The following ADORA2B variants were observed in gnomAD, a reference collection of about 807,000 sequenced individuals.
ADORA2B encodes the protein adenosine A2b receptor.
A neutral mutation model predicts 20.8 loss-of-function variants in ADORA2B; 18 were observed. The ratio of observed to expected loss-of-function variants is 0.87; its 90% CI spans 0.60 to 1.29. The LOEUF is 1.29. Among genes scored for constraint, ADORA2B ranks in the 50% most tolerant of loss-of-function variants. The probability of loss-of-function intolerance (pLI) is 0.00; values close to 1 mark genes in which losing one functional copy is unlikely to be tolerated. For synonymous variants in ADORA2B, 179 were observed against 178.3 expected (o/e 1.00, Z -0.03); for missense variants, 441 against 422.7 (o/e 1.04, Z -0.38).
intron 1 of ADORA2B, chr17:15,974,423 C>T: frequency 2.3e-6 from 1 of 435,926 alleles, no homozygotes; most frequent in African/African-American, 2.0e-5. Context: ...TTCCCCACCT[C>T]TTGTCATTGG....
intron 1 of ADORA2B, among the ~76,000 whole-genome samples, chr17:15,955,800 C>A (rs1295807030): frequency 1.3e-5 from 2 of 151,120 alleles, no homozygotes; most frequent in African/African-American, 4.9e-5. Flanking sequence ...CTCACTGCAA[C>A]TTTCACCTCC....
At chr17:15,872,889 C>G in the ADORA2B span, among the ~76,000 whole-genome samples, 1 of 152,098 alleles carries the variant, frequency 6.6e-6, no homozygotes, top group African/African-American at 2.4e-5. Context: ...TCCGGATACC[C>G]TTTATTTATT....
chr17:15,868,122 T>C, the ADORA2B span, among the ~76,000 whole-genome samples: 1 of 144,200 alleles, frequency 6.9e-6, no homozygotes, highest in South Asian at 2.2e-4. Context: ...CAGGGTTGAA[T>C]GGATTAAGGG....
intron 1 of ADORA2B, among the ~76,000 whole-genome samples, chr17:15,963,989 C>T (rs552818036): frequency 3.6e-4 from 55 of 152,312 alleles, no homozygotes; most frequent in African/African-American, 1.1e-3. Flanking sequence ...CAGAGCAGCC[C>T]GGGGCCAGGG....
chr17:15,906,150 A>G, the ADORA2B span, among the ~76,000 whole-genome samples: 1 of 152,228 alleles, frequency 6.6e-6, no homozygotes, highest in Non-Finnish European at 1.5e-5. Flanking sequence ...ACAATGTTAA[A>G]TAGGACAGAT....
At chr17:15,969,725 G>A (rs974466369) in intron 1 of ADORA2B, among the ~76,000 whole-genome samples, 1 of 152,152 alleles carries the variant, frequency 6.6e-6, no homozygotes, top group South Asian at 2.1e-4. Context: ...TGTCACCCTG[G>A]CCCAAGCCGA....
chr17:15,881,377 A>G, the ADORA2B span, among the ~76,000 whole-genome samples: 2 of 152,226 alleles, frequency 1.3e-5, no homozygotes, highest in Non-Finnish European at 2.9e-5. Context: ...CTGGGATTAC[A>G]GATATGAGCC....
chr17:15,940,825 A>G (rs1427402977), upstream of ADORA2B, among the ~76,000 whole-genome samples: 2 of 152,202 alleles, frequency 1.3e-5, no homozygotes, highest in Admixed American at 1.3e-4. Flanking sequence ...TCACCTCATG[A>G]TAAACGGTAG....
the ADORA2B span, among the ~76,000 whole-genome samples, chr17:15,915,756 CTACCTTT>C: frequency 6.6e-6 from 1 of 152,044 alleles, no homozygotes; most frequent in Non-Finnish European, 1.5e-5. Context: ...AAATATTCCT[CTACCTTT>C]TGGTTATATT....
chr17:15,949,123 G>A (rs1165738139), intron 1 of ADORA2B, among the ~76,000 whole-genome samples: 4 of 151,688 alleles, frequency 2.6e-5, no homozygotes, highest in Non-Finnish European at 2.9e-5. Flanking sequence ...CAGGAGAATC[G>A]CTTGAACCCG....
At chr17:15,916,252 T>A in the ADORA2B span, among the ~76,000 whole-genome samples, 1 of 152,150 alleles carries the variant, frequency 6.6e-6, no homozygotes, top group African/African-American at 2.4e-5. Flanking sequence ...AAGTCAACCT[T>A]CCTGGGGACT....
the ADORA2B span, among the ~76,000 whole-genome samples, chr17:15,882,778 A>T: frequency 6.6e-6 from 1 of 152,016 alleles, no homozygotes; most frequent in African/African-American, 2.4e-5. Context: ...CTCCTTCTGG[A>T]GACTGAGGGT....
At chr17:15,971,246 T>C (rs917325245) in intron 1 of ADORA2B, among the ~76,000 whole-genome samples, 7 of 152,246 alleles carry the variant, frequency 4.6e-5, no homozygotes, top group African/African-American at 1.7e-4. Context: ...TTCCTTGTTA[T>C]GCTGCAGGGA....
the ADORA2B span, among the ~76,000 whole-genome samples, chr17:15,853,479 G>A: frequency 2.6e-5 from 4 of 152,206 alleles, no homozygotes; most frequent in Non-Finnish European, 5.9e-5. Flanking sequence ...TTAAAGGGGT[G>A]TATCACTAAA....
chr17:15,917,683 C>T, the ADORA2B span, among the ~76,000 whole-genome samples: 5 of 152,360 alleles, frequency 3.3e-5, no homozygotes, highest in South Asian at 6.2e-4. Context: ...CGGCTCCGCG[C>T]CGGTGACGGG....
the ADORA2B span, among the ~76,000 whole-genome samples, chr17:15,923,474 G>A: frequency 6.6e-6 from 1 of 150,698 alleles, no homozygotes; most frequent in African/African-American, 2.4e-5. Context: ...GCGCGATCTC[G>A]GCTCACTGCA....
chr17:15,891,913 T>A, the ADORA2B span, among the ~76,000 whole-genome samples: 5 of 150,102 alleles, frequency 3.3e-5, no homozygotes, highest in Non-Finnish European at 7.4e-5. Context: ...AGTGGTATGA[T>A]CTTGGCTCAC....
At chr17:15,874,572 G>A in the ADORA2B span, among the ~76,000 whole-genome samples, 1 of 151,702 alleles carries the variant, frequency 6.6e-6, no homozygotes, top group East Asian at 1.9e-4. Context: ...TGAACCTGTA[G>A]TACCAGCTAC....
At chr17:15,965,027 T>C (rs1335285592) in intron 1 of ADORA2B, among the ~76,000 whole-genome samples, 1 of 151,898 alleles carries the variant, frequency 6.6e-6, no homozygotes, top group Non-Finnish European at 1.5e-5. Flanking sequence ...GCCACTGCGC[T>C]CCAGCCTGGG....
Sources: gnomAD v4.1 joint callset for allele counts (sites outside exome capture counted in the v4.1 genomes callset) on GRCh38, gnomAD v4.1.1 for gene constraint, MANE v1.5 for transcripts, NCBI Gene and HGNC (gene_info 2026-07-23, HGNC 2026-07-21) for gene names.